Variants in SET observed in about 807,000 individuals in gnomAD.
The protein encoded by SET is protein SET.
SET carries 4 observed loss-of-function variants against 39.0 expected under a neutral mutation model. That is an observed-to-expected ratio of 0.10 (90% CI 0.05 to 0.23). The LOEUF (loss-of-function observed/expected upper bound fraction) is 0.23. SET is among the 10% of genes least tolerant of loss of function. The pLI is 1.00. For synonymous variants in SET, 114 were observed against 115.9 expected (o/e 0.98, Z 0.11); for missense variants, 137 against 329.7 (o/e 0.42, Z 4.53).
At position 128,695,990 on chromosome 9, in the gene SET, CAGTA is replaced by C. The variant is rs1372949817; in HGVS notation, c.*1329_*1332del. 12 of 226,286 alleles carry C rather than the reference CAGTA, an allele frequency of 5.3e-5. No individual in the cohort carries two copies. The highest frequency in any genetic ancestry group is 1.1e-4 in the Admixed American group (2 of 17,618). 14.0% of individuals were successfully genotyped at this position (226,286 alleles called of 1,614,324 possible). On this transcript the variant is annotated 3_prime_UTR_variant, in exon 8 of 8. Coordinates refer to ENST00000322030, the MANE Select transcript of SET (RefSeq NM_003011.4). ...AAATGTGGCCAAGAAGATAGGCTCT[CAGTA>C]AGAAGTCTGATGGTGAGCAGTAACT...
intron 2 of SET, 74 bp downstream of exon 2, chr9:128,691,301 T>C: frequency 1.1e-6 from 1 of 914,820 alleles, no homozygotes; most frequent in Non-Finnish European, 1.8e-6. Context: ...ATCGAAGCTA[T>C]GGTCAAATCT....
At chr9:128,683,873 G>T (rs1005650641) in exon 1 of SET, 23 of 1,539,474 alleles carry the variant, frequency 1.5e-5, no homozygotes, top group Non-Finnish European at 2.0e-5. Context: ...CTCGTGGTCT[G>T]GTTCTGGGAC....
chr9:128,690,899 C>A (rs1047800327), intron 1 of SET, among the ~76,000 whole-genome samples: 1 of 152,136 alleles, frequency 6.6e-6, no homozygotes, highest in African/African-American at 2.4e-5. Context: ...TAGTAGAAAC[C>A]TTAATGATCG....
upstream of SET, among the ~76,000 whole-genome samples, chr9:128,688,649 A>C (rs944292971): frequency 1.1e-4 from 17 of 152,216 alleles, no homozygotes; most frequent in Non-Finnish European, 2.1e-4. Flanking sequence ...TCAAGGGTAC[A>C]AGCTTGCTGG....
At chr9:128,689,044 G>T (rs557714107), upstream of SET, among the ~76,000 whole-genome samples, 1 of 150,566 alleles carries the variant, frequency 6.6e-6, no homozygotes, top group African/African-American at 2.4e-5. Context: ...ACGCGGCGCG[G>T]GGGGCGGCCG....
At chr9:128,689,702 G>T (rs945744333) in intron 1 of SET, 47 bp downstream of exon 1, 2 of 479,544 alleles carry the variant, frequency 4.2e-6, no homozygotes, top group Non-Finnish European at 2.8e-6. Context: ...CATCTTCGCC[G>T]CCCGCCCCGG....
Position 128,694,150 on chromosome 9 carries a change from G to A in SET, c.810+108G>A, listed in dbSNP as rs200147656. 1.9e-3 allele frequency: 2,013 copies of A among 1,038,988 alleles called. 2 individuals carry two copies. Among genetic ancestry groups the A allele is most frequent in the Non-Finnish European group, 2.2e-3 (1,699 of 760,966 alleles). The allele number at this position is 1,038,988 out of a possible 1,614,324, so 64.4% of individuals were successfully genotyped here. On this transcript the variant is annotated intron_variant, in intron 7 of 7. Coordinates refer to ENST00000322030, the MANE Select transcript of SET (RefSeq NM_003011.4). ...GTGGTAGAACTGACCAGAACTGATT[G>A]TGGAAAAAAAGTAAGCCATTTTGTT...
intron 1 of SET, 137 bp from the exon 2 acceptor site, chr9:128,691,033 A>G (rs766020315): frequency 2.7e-6 from 2 of 754,674 alleles, no homozygotes; most frequent in South Asian, 1.5e-5. Context: ...AGCTACAAGC[A>G]TGAACATGTG....
At chr9:128,685,838 C>T (rs1303844878), upstream of SET, among the ~76,000 whole-genome samples, 2 of 152,160 alleles carry the variant, frequency 1.3e-5, no homozygotes, top group Non-Finnish European at 2.9e-5. Context: ...TCAAGACCAG[C>T]CTGGCCAACA....
Position 128,691,723 on chromosome 9 carries a change from T to C in SET, c.132-135T>C, listed in dbSNP as rs1189292676. ...GCCATCTTAGTTTTGAGTGTCTAAA[T>C]TAGGTGATAATGGTTATTATAATTT... On this transcript the variant is annotated intron_variant, in intron 2 of 7. Transcript: ENST00000322030. 3 of 830,182 alleles carry C rather than the reference T, an allele frequency of 3.6e-6. No individual in the cohort carries two copies. The African/African-American group carries it at 5.1e-5, about 14-fold the overall frequency. 51.4% of individuals were successfully genotyped at this position (830,182 alleles called of 1,614,324 possible).
At chr9:128,683,800 A>G (rs1861194714) in exon 1 of SET, 2 of 1,107,124 alleles carry the variant, frequency 1.8e-6, no homozygotes, top group Admixed American at 2.5e-5. Context: ...TCCAGTGCAG[A>G]TTTAAGCCGC....
At chr9:128,693,270 T>C (rs1000019030) in intron 5 of SET, among the ~76,000 whole-genome samples, 2 of 152,152 alleles carry the variant, frequency 1.3e-5, no homozygotes, top group African/African-American at 4.8e-5. Context: ...AGTTTAAGAA[T>C]TGAGAACTGG....
chr9:128,692,507 T>C (rs557931202), intron 3 of SET, 155 bp from the exon 4 acceptor site: 14 of 580,124 alleles, frequency 2.4e-5, no homozygotes, highest in Non-Finnish European at 3.4e-5. Context: ...TGAAAGATAG[T>C]GACAGTCTGA....
rs751569749 is a variant in SET, at chr9:128,695,766, A to G, written c.*1102A>G. On this transcript the variant is annotated 3_prime_UTR_variant, in exon 8 of 8. Coordinates refer to ENST00000322030, the MANE Select transcript of SET (RefSeq NM_003011.4). ...GCCATTGGTTTCTGAAAGTATTCAC[A>G]TCATTTGGGATACCAGATAGCTCAA... 2.6e-5 allele frequency: 6 copies of G among 227,462 alleles called. No individual in the cohort carries two copies. Among genetic ancestry groups the G allele is most frequent in the Non-Finnish European group, 5.3e-5 (6 of 113,748 alleles). 14.1% of individuals were successfully genotyped at this position (227,462 alleles called of 1,614,324 possible).
chr9:128,684,229 C>A (rs1861213033), upstream of SET, among the ~76,000 whole-genome samples: 1 of 152,044 alleles, frequency 6.6e-6, no homozygotes, highest in Non-Finnish European at 1.5e-5. Context: ...CAACACTGAC[C>A]CCTGAGCTTG....
In SET at chr9:128,689,273, C is replaced by A. The variant is rs1360780818; in HGVS notation, c.-310C>A. On this transcript the variant is annotated 5_prime_UTR_variant, in exon 1 of 8. Coordinates refer to ENST00000322030, the MANE Select transcript of SET (RefSeq NM_003011.4). ...GGAGGCGGCTCGGGAGAGCGAGCAG[C>A]GAGCTGGCTGGATCGCCGAGCGCGA... 2 of 1,010,082 alleles carry A rather than the reference C, an allele frequency of 2.0e-6. No homozygotes were observed. Among genetic ancestry groups the A allele is most frequent in the South Asian group, 4.5e-5 (1 of 22,072 alleles). 62.6% of individuals were successfully genotyped at this position (1,010,082 alleles called of 1,614,324 possible).
rs1029586649 is a variant in SET at position 128,692,315 on chromosome 9, T to A, written c.274+315T>A. On this transcript the variant is annotated intron_variant, in intron 3 of 7. Coordinates refer to ENST00000322030, the MANE Select transcript of SET (RefSeq NM_003011.4). ...GGGAGGCTGAGGCAGGAGAATCGCTTGAACCCAGGAGGGGGAGGTTGCAGT... is the reference window on the plus strand; with the variant it reads ...GGGAGGCTGAGGCAGGAGAATCGCTAGAACCCAGGAGGGGGAGGTTGCAGT... 27 of 262,114 alleles carry A rather than the reference T, an allele frequency of 1.0e-4. No individual in the cohort carries two copies. In the East Asian group the frequency reaches 2.1e-3, roughly 20 times the overall value. 16.2% of individuals were successfully genotyped at this position (262,114 alleles called of 1,614,324 possible).
In SET at chr9:128,693,927, G is replaced by GAGA. The variant is rs768750318; in HGVS notation, c.702_704dup (p.Glu234dup). ...GATATGGATGATGAAGAAGGAGAAG[G>GAGA]AGAAGAAGATGATGATGATGATGAA... On this transcript the variant is annotated inframe_insertion, in exon 7 of 8. Transcript: ENST00000322030. The GAGA allele has an allele frequency of 2.0e-5, 32 of 1,585,636 alleles. No individual in the cohort carries two copies. Among genetic ancestry groups the GAGA allele is most frequent in the Non-Finnish European group, 2.7e-5 (31 of 1,155,480 alleles).
chr9:128,683,855 C>T (rs546689765), exon 1 of SET: 22 of 1,503,990 alleles, frequency 1.5e-5, no homozygotes, highest in Middle Eastern at 2.2e-4. Flanking sequence ...TCCGGACGGG[C>T]GAGGAGACTC....
Sources: allele counts gnomAD v4.1 joint callset (sites outside exome capture counted in the v4.1 genomes callset), GRCh38; gene constraint gnomAD v4.1.1; transcripts MANE v1.5; gene names NCBI Gene and HGNC (gene_info 2026-07-23, HGNC 2026-07-21).